Variants in ANKS1B observed in about 807,000 individuals in gnomAD.
ANKS1B encodes the protein ankyrin repeat and sterile alpha motif domain containing 1B, also known as ankyrin repeat and sterile alpha motif domain-containing protein 1B.
In ANKS1B, 36 loss-of-function variants were observed where a neutral mutation model predicts 148.3. The observed-to-expected ratio is 0.24, with a 90% confidence interval of 0.19 to 0.32. ANKS1B has a LOEUF of 0.32. ANKS1B is among the 10% of genes least tolerant of loss of function. The probability of loss-of-function intolerance (pLI) is 1.00; values close to 1 mark genes in which losing one functional copy is unlikely to be tolerated. For synonymous variants in ANKS1B, 542 were observed against 560.8 expected (o/e 0.97, Z 0.47); for missense variants, 1,157 against 1,542.6 (o/e 0.75, Z 4.19).
chr12:99,122,993 A>T (rs71440825), intron 15 of ANKS1B, among the ~76,000 whole-genome samples: 3,762 of 137,748 alleles, frequency 0.027, 242 homozygotes, highest in Admixed American at 0.11. Context: ...AAAATTAAAA[A>T]AAAAATATAT....
intron 1 of ANKS1B, among the ~76,000 whole-genome samples, chr12:99,873,609 A>C (rs1028248083): frequency 1.3e-5 from 2 of 152,054 alleles, no homozygotes; most frequent in African/African-American, 4.8e-5. Context: ...ATCTCCTTTA[A>C]CTATTTACAG....
intron 1 of ANKS1B, among the ~76,000 whole-genome samples, chr12:99,900,642 G>C (rs1239882421): frequency 6.6e-6 from 1 of 151,908 alleles, no homozygotes; most frequent in Non-Finnish European, 1.5e-5. Flanking sequence ...GAAGCAAGCA[G>C]GGAAGATTAC....
intron 4 of ANKS1B, among the ~76,000 whole-genome samples, chr12:99,794,092 G>A (rs531821210): frequency 1.1e-4 from 16 of 152,012 alleles, no homozygotes; most frequent in South Asian, 2.1e-4. Context: ...ATTGATCATC[G>A]GAGAAATGCA....
chr12:99,416,679 C>T (rs567311558), intron 11 of ANKS1B, among the ~76,000 whole-genome samples: 1 of 152,130 alleles, frequency 6.6e-6, no homozygotes, highest in Non-Finnish European at 1.5e-5. Flanking sequence ...GTCTTCTGCC[C>T]ATTTTCTAAT....
At chr12:99,518,905 C>T (rs141005396) in intron 9 of ANKS1B, among the ~76,000 whole-genome samples, 37 of 152,050 alleles carry the variant, frequency 2.4e-4, no homozygotes, top group African/African-American at 8.7e-4. Context: ...ATATCCTATA[C>T]ATTTTGGTAT....
Position 99,090,685 on chromosome 12 carries a change from G to A in ANKS1B, c.2527-5662C>T, listed in dbSNP as rs1489059611. Among the ~76,000 whole-genome samples the A allele has an allele frequency of 3.3e-5, 5 of 152,114 alleles. No individual in the cohort carries two copies. The East Asian group carries it at 9.6e-4, about 29-fold the overall frequency. On this transcript the variant is annotated intron_variant, in intron 15 of 26. Coordinates refer to ENST00000683438, the MANE Select transcript of ANKS1B (RefSeq NM_001352186.2). ...CATGAAACTGTACATAATTTTCTTGGAATAACAATGCTACCTCTCTGCTTC... is the reference window on the plus strand; with the variant it reads ...CATGAAACTGTACATAATTTTCTTGAAATAACAATGCTACCTCTCTGCTTC...
chr12:99,592,584 A>G (rs2097713818), intron 9 of ANKS1B, among the ~76,000 whole-genome samples: 1 of 152,136 alleles, frequency 6.6e-6, no homozygotes, highest in Non-Finnish European at 1.5e-5. Flanking sequence ...GAAGAAAAAG[A>G]CATGGAGAAG....
chr12:99,255,882 G>A (rs187639070), intron 12 of ANKS1B, among the ~76,000 whole-genome samples: 1 of 152,220 alleles, frequency 6.6e-6, no homozygotes, highest in Admixed American at 6.5e-5. Flanking sequence ...ATCACTTTTT[G>A]TGACTGTTTC....
At position 99,244,410 on chromosome 12, in the gene ANKS1B, T is replaced by C; in HGVS notation, c.2351A>G (p.Asp784Gly). 1 of 1,600,902 alleles carries C rather than the reference T, an allele frequency of 6.2e-7. No homozygotes were observed. The highest frequency in any genetic ancestry group is 8.5e-7 in the Non-Finnish European group (1 of 1,174,058). ...PSFTSEWEEI[D>G]KIMSSIDVGI... Reference sequence around the variant, plus strand: ...AACATCTATGGAACTCATTATTTTGTCAATCTGTAAGAAACAAAAACCATT... The same window carrying C: ...AACATCTATGGAACTCATTATTTTGCCAATCTGTAAGAAACAAAAACCATT... Residue 784 changes from aspartate (D) to glycine (G), a missense_variant, in exon 14 of 27, where the codon GAC becomes GGC. This residue lies in a region of ANKS1B where 661 missense variants were observed against 642.1 expected (regional missense o/e 1.03). Coordinates refer to ENST00000683438, the MANE Select transcript of ANKS1B (RefSeq NM_001352186.2).
intron 15 of ANKS1B, among the ~76,000 whole-genome samples, chr12:99,136,009 G>C (rs987972315): frequency 6.6e-6 from 1 of 152,150 alleles, no homozygotes; most frequent in East Asian, 1.9e-4. Context: ...TAGTATGATG[G>C]AGACTATGAA....
chr12:99,815,039 A>G (rs531770151), intron 2 of ANKS1B, among the ~76,000 whole-genome samples: 6 of 151,866 alleles, frequency 4.0e-5, no homozygotes, highest in Non-Finnish European at 1.5e-5. Context: ...CTTAATACCT[A>G]AGGAAATAAA....
intron 15 of ANKS1B, among the ~76,000 whole-genome samples, chr12:99,110,191 G>T (rs1416133560): frequency 6.6e-6 from 1 of 152,182 alleles, no homozygotes; most frequent in African/African-American, 2.4e-5. Flanking sequence ...AGATAGATGA[G>T]AAACTGCAAG....
intron 12 of ANKS1B, among the ~76,000 whole-genome samples, chr12:99,362,879 T>C (rs1038566126): frequency 5.3e-5 from 8 of 152,058 alleles, no homozygotes; most frequent in Admixed American, 3.9e-4. Context: ...TTAAAATGTC[T>C]TTGTTATTTT....
At chr12:99,138,141 T>C (rs2068784816) in intron 15 of ANKS1B, among the ~76,000 whole-genome samples, 1 of 152,198 alleles carries the variant, frequency 6.6e-6, no homozygotes, top group South Asian at 2.1e-4. Context: ...GTTTCTTTGT[T>C]TGAATTCTTG....
intron 4 of ANKS1B, among the ~76,000 whole-genome samples, chr12:99,801,650 G>A (rs1374190911): frequency 6.6e-6 from 1 of 152,064 alleles, no homozygotes; most frequent in Non-Finnish European, 1.5e-5. Flanking sequence ...GTAAGGAGAA[G>A]GAAATGTGAG....
chr12:99,208,855 T>G (rs2082990019), intron 14 of ANKS1B, among the ~76,000 whole-genome samples: 1 of 152,210 alleles, frequency 6.6e-6, no homozygotes, highest in Non-Finnish European at 1.5e-5. Context: ...AACCTATCTA[T>G]AGCTTTCAGC....
At chr12:99,188,262 C>T (rs986859116) in intron 14 of ANKS1B, among the ~76,000 whole-genome samples, 1 of 152,168 alleles carries the variant, frequency 6.6e-6, no homozygotes, top group Non-Finnish European at 1.5e-5. Context: ...TTTAACACCC[C>T]ACTGTCAATA....
chr12:99,048,814 A>G (rs1020100596), intron 17 of ANKS1B: 1 of 152,272 alleles, frequency 6.6e-6, no homozygotes, highest in African/African-American at 2.4e-5. Context: ...GGAAGCTTCA[A>G]GAGAATCCCT....
intron 12 of ANKS1B, among the ~76,000 whole-genome samples, chr12:99,369,515 A>G (rs111401811): frequency 0.019 from 2,910 of 152,230 alleles, 46 homozygotes; most frequent in Non-Finnish European, 0.029. Flanking sequence ...CATTTTGGGG[A>G]AAATTGGATA....
Sources: allele counts gnomAD v4.1 joint callset (sites outside exome capture counted in the v4.1 genomes callset), GRCh38; gene constraint gnomAD v4.1.1; regional missense constraint gnomAD v4.1.1; transcripts MANE v1.5; gene names NCBI Gene and HGNC (gene_info 2026-07-23, HGNC 2026-07-21).